The following WWOX variants were observed in gnomAD, a reference collection of about 807,000 sequenced individuals.
WWOX encodes WW domain containing oxidoreductase.
WWOX carries 69 observed loss-of-function variants against 46.2 expected under a neutral mutation model. The observed-to-expected ratio is 1.49, with a 90% CI of 1.23 to 1.82. WWOX has a LOEUF of 1.82. Among genes scored for constraint, WWOX ranks in the 40% most tolerant of loss-of-function variants. The probability of loss-of-function intolerance (pLI) is 0.00; values close to 1 mark genes in which losing one functional copy is unlikely to be tolerated. For missense variants in WWOX, 919 were observed against 542.6 expected, an observed-to-expected ratio of 1.69 and a Z score of -6.89; for synonymous variants, 359 against 202.6, an observed-to-expected ratio of 1.77 and a Z score of -6.56.
At chr16:78,738,870 T>C (rs1249530045) in intron 8 of WWOX, among the ~76,000 whole-genome samples, 2 of 152,160 alleles carry the variant, frequency 1.3e-5, no homozygotes, top group Non-Finnish European at 2.9e-5. Flanking sequence ...TTAAGCCACA[T>C]TCCATTCTTC....
At chr16:78,596,175 AG>A (rs142700908) in intron 8 of WWOX, among the ~76,000 whole-genome samples, 3,405 of 152,214 alleles carry the variant, frequency 0.022, 102 homozygotes, top group East Asian at 0.14. Flanking sequence ...TTATCTTTTG[AG>A]TGATATCAAC....
chr16:78,283,036 A>C (rs1458527552), intron 5 of WWOX, among the ~76,000 whole-genome samples: 1 of 152,080 alleles, frequency 6.6e-6, no homozygotes, highest in Non-Finnish European at 1.5e-5. Flanking sequence ...GACCTATGGC[A>C]GTCAGCGATG....
chr16:78,741,457 G>A (rs1197068403), intron 8 of WWOX, among the ~76,000 whole-genome samples: 1 of 152,184 alleles, frequency 6.6e-6, no homozygotes, highest in East Asian at 1.9e-4. Flanking sequence ...TTACTCGGGA[G>A]GCTGAGGCAG....
chr16:78,916,672 C>G (rs905111690), intron 8 of WWOX, among the ~76,000 whole-genome samples: 2 of 152,174 alleles, frequency 1.3e-5, no homozygotes, highest in Non-Finnish European at 2.9e-5. Flanking sequence ...AAAATTCCAT[C>G]CCAGGCACAA....
At chr16:78,778,431 A>C (rs535806900) in intron 8 of WWOX, among the ~76,000 whole-genome samples, 1 of 152,250 alleles carries the variant, frequency 6.6e-6, no homozygotes, top group Non-Finnish European at 1.5e-5. Context: ...GTCGGACCTC[A>C]GTATGATTGA....
At chr16:79,054,341 A>T (rs2048223546) in intron 8 of WWOX, among the ~76,000 whole-genome samples, 1 of 152,124 alleles carries the variant, frequency 6.6e-6, no homozygotes, top group Non-Finnish European at 1.5e-5. Context: ...TATCTTTCTT[A>T]CTTGATATTT....
chr16:78,547,369 T>C (rs902436790), intron 8 of WWOX, among the ~76,000 whole-genome samples: 1 of 152,102 alleles, frequency 6.6e-6, no homozygotes, highest in Non-Finnish European at 1.5e-5. Flanking sequence ...GTTAGATGTG[T>C]ATCTAAGGTC....
chr16:79,184,276 C>G (rs1567604091), intron 8 of WWOX, among the ~76,000 whole-genome samples: 1 of 152,146 alleles, frequency 6.6e-6, no homozygotes. Context: ...ACAGAAGAGT[C>G]CAATTTTCTT....
intron 8 of WWOX, among the ~76,000 whole-genome samples, chr16:78,935,369 G>A (rs975518067): frequency 1.3e-5 from 2 of 152,142 alleles, no homozygotes; most frequent in South Asian, 2.1e-4. Flanking sequence ...GTTCATCAAT[G>A]ATAGACTGGA....
intron 8 of WWOX, among the ~76,000 whole-genome samples, chr16:78,885,417 T>G (rs903881477): frequency 5.3e-5 from 8 of 152,344 alleles, no homozygotes; most frequent in Middle Eastern, 3.4e-3. Flanking sequence ...AATATTGATT[T>G]GTTAGAAAAT....
chr16:78,991,255 CT>C (rs1027793944), intron 8 of WWOX, among the ~76,000 whole-genome samples: 1 of 152,174 alleles, frequency 6.6e-6, no homozygotes, highest in African/African-American at 2.4e-5. Context: ...CACCCTCCCA[CT>C]TTTGGCAATG....
At chr16:78,143,949 T>A (rs1163217966) in intron 4 of WWOX, among the ~76,000 whole-genome samples, 1 of 152,118 alleles carries the variant, frequency 6.6e-6, no homozygotes, top group Non-Finnish European at 1.5e-5. Context: ...TAAAAAAAAA[T>A]CAACTTTTTG....
intron 8 of WWOX, among the ~76,000 whole-genome samples, chr16:79,060,653 A>G (rs1165732596): frequency 6.6e-6 from 1 of 152,232 alleles, no homozygotes; most frequent in Admixed American, 6.5e-5. Context: ...TTCTAGTCTC[A>G]TTTTGTAAAC....
chr16:78,742,591 C>G (rs935046975), intron 8 of WWOX, among the ~76,000 whole-genome samples: 3 of 152,300 alleles, frequency 2.0e-5, no homozygotes, highest in Non-Finnish European at 4.4e-5. Flanking sequence ...CAGCGATCCC[C>G]AGCGCATCAC....
intron 8 of WWOX, among the ~76,000 whole-genome samples, chr16:78,436,844 G>C (rs187815044): frequency 6.6e-6 from 1 of 152,180 alleles, no homozygotes; most frequent in African/African-American, 2.4e-5. Flanking sequence ...CATTGCTTCC[G>C]TCAGGATAAT....
At chr16:78,685,901 CA>C (rs960126524) in intron 8 of WWOX, among the ~76,000 whole-genome samples, 2 of 52,184 alleles carry the variant, frequency 3.8e-5, no homozygotes, top group Non-Finnish European at 7.0e-5. Context: ...GGAAAAAAAA[CA>C]AAAAAGAAAA....
At chr16:78,133,232 G>A (rs1390027501) in intron 4 of WWOX, among the ~76,000 whole-genome samples, 3 of 152,164 alleles carry the variant, frequency 2.0e-5, no homozygotes, top group African/African-American at 4.8e-5. Context: ...TGTTTAAACT[G>A]AGAAGTACCT....
intron 4 of WWOX, among the ~76,000 whole-genome samples, chr16:78,149,094 T>G (rs1014019412): frequency 6.6e-6 from 1 of 151,984 alleles, no homozygotes; most frequent in African/African-American, 2.4e-5. Flanking sequence ...TAAGCTCAAG[T>G]GATCCTCCTG....
rs182223709 is a variant in WWOX, at chr16:78,737,248, C to T, written c.1056+304496C>T. On this transcript the variant is annotated intron_variant, in intron 8 of 8. Coordinates refer to ENST00000566780, the MANE Select transcript of WWOX (RefSeq NM_016373.4). ...CTGAGTAGCTGGAATTACAAGCGCC[C>T]GCCACCATACTTCGCTAATTTTTGT... Among the ~76,000 whole-genome samples, 473 of 151,696 alleles carry T rather than the reference C, an allele frequency of 3.1e-3. 5 individuals carry two copies. The highest frequency in any genetic ancestry group is 0.011 in the African/African-American group (440 of 41,366).
Sources: gnomAD v4.1 joint callset for allele counts (sites outside exome capture counted in the v4.1 genomes callset) on GRCh38, gnomAD v4.1.1 for gene constraint, MANE v1.5 for transcripts, NCBI Gene and HGNC (gene_info 2026-07-23, HGNC 2026-07-21) for gene names.